The following MELTF variants were observed in gnomAD, a reference collection of about 807,000 sequenced individuals.
MELTF encodes the protein antigen p97 (melanoma associated) identified by monoclonal antibodies 133.2 and 96.5.
In MELTF, 67 loss-of-function variants were observed where a neutral mutation model predicts 83.7. That is an observed-to-expected ratio of 0.80 (90% CI 0.66 to 0.98). MELTF has a LOEUF of 0.98. Ranked by LOEUF, MELTF falls within the 50% of genes least tolerant of loss-of-function variation. MELTF has a pLI of 0.00. For synonymous variants in MELTF, 462 were observed against 447.6 expected (o/e 1.03, Z -0.41); for missense variants, 1,002 against 1,035.6 (o/e 0.97, Z 0.44).
At chr3:197,019,656 A>C in intron 6 of MELTF, 1 of 1,612,776 alleles carries the variant, frequency 6.2e-7, no homozygotes, top group African/African-American at 1.3e-5. Context: ...CTCCTTTGTC[A>C]GACTCGTCCT....
rs199669757 is a variant in MELTF at position 197,009,767 on chromosome 3, C to G, written c.1376G>C (p.Arg459Pro). ...NSYYVVAVVR[R>P]DSSHAFTLDE... is the part of the protein sequence containing the mutation. ...CAAGGTGAAGGCGTGGGAGCTGTCC[C>G]GTCTCACCACGGCCACCACGTAGTA... The change falls in exon 11 of 16, where the codon CGG (arginine) becomes CCG (proline). Residue 459 changes from arginine to proline, a missense_variant. Coordinates refer to ENST00000296350, the MANE Select transcript of MELTF (RefSeq NM_005929.6). 4.3e-5 allele frequency: 70 copies of G among 1,613,292 alleles called. No homozygotes were observed. Among genetic ancestry groups the G allele is most frequent in the Non-Finnish European group, 5.3e-5 (63 of 1,179,954 alleles).
intron 3 of MELTF, chr3:197,025,771 C>G (rs1719830311): frequency 6.6e-6 from 1 of 152,350 alleles, no homozygotes; most frequent in African/African-American, 2.4e-5. Context: ...AACAAGGAAC[C>G]AGCCAGTGCT....
chr3:197,024,206 C>T lies in MELTF; in HGVS notation c.487+97G>A, dbSNP rs529626183. On this transcript the variant is annotated intron_variant, in intron 4 of 15. Transcript: ENST00000296350. The surrounding 1 kb of genome is among the most constrained non-coding windows in gnomAD (Gnocchi z 5.3). ...GCCTTCCAGGAATGAAGAATGGTGG[C>T]GAGGCCGGAGGGAGGCTACCCAGTG... 694 of 1,329,424 alleles carry T rather than the reference C, an allele frequency of 5.2e-4. 1 individual carries two copies. Among genetic ancestry groups the T allele is most frequent in the African/African-American group, 9.0e-4 (61 of 68,128 alleles). The allele number at this position is 1,329,424 out of a possible 1,614,324, so 82.4% of individuals were successfully genotyped here.
rs2148590265 is a variant in MELTF at position 197,022,848 on chromosome 3, A to G, written c.644+109T>C. On this transcript the variant is annotated intron_variant, in intron 5 of 15. Coordinates refer to ENST00000296350, the MANE Select transcript of MELTF (RefSeq NM_005929.6). This position sits in a 1 kb window ranked among gnomAD's most constrained non-coding sequence, Gnocchi z 5.1. ...GGTGCTTTGATGAGACGCAGCCAAC[A>G]TGCCACTTCCCCCTCCACGGCCCTC... 5 of 1,069,256 alleles carry G rather than the reference A, an allele frequency of 4.7e-6. No individual in the cohort carries two copies. The highest frequency in any genetic ancestry group is 1.5e-5 in the South Asian group (1 of 65,846). 66.2% of individuals were successfully genotyped at this position (1,069,256 alleles called of 1,614,324 possible).
At position 197,003,541 on chromosome 3, in the gene MELTF, T is replaced by C. The variant is rs141380292; in HGVS notation, c.2138-90A>G. Reference sequence around the variant, plus strand: ...CTCTGGGGTGGGGGTGGGGGCATCTTTCGGGACCGAACTCGCCGCAGCCTC... The same window carrying C: ...CTCTGGGGTGGGGGTGGGGGCATCTCTCGGGACCGAACTCGCCGCAGCCTC... On this transcript the variant is annotated intron_variant, in intron 15 of 15. Transcript: ENST00000296350. This position sits in a 1 kb window ranked among gnomAD's most constrained non-coding sequence, Gnocchi z 6.2. 6,312 of 658,658 alleles carry C rather than the reference T, an allele frequency of 9.6e-3. 196 individuals carry two copies. The highest frequency in any genetic ancestry group is 0.071 in the East Asian group (850 of 11,934). The allele number at this position is 658,658 out of a possible 1,614,324, so 40.8% of individuals were successfully genotyped here.
At chr3:197,004,986 T>G (rs1219354359) in intron 14 of MELTF, among the ~76,000 whole-genome samples, 1 of 152,006 alleles carries the variant, frequency 6.6e-6, no homozygotes, top group Non-Finnish European at 1.5e-5. Context: ...AGGGGTTCTG[T>G]GGGGAAGATG....
chr3:197,022,764 G>A lies in MELTF; in HGVS notation c.644+193C>T, dbSNP rs556130315. 5.3e-5 allele frequency among the ~76,000 whole-genome samples: 8 copies of A among 152,174 alleles called. No individual in the cohort carries two copies. The highest frequency in any genetic ancestry group is 1.0e-4 in the Non-Finnish European group (7 of 68,032). ...ACACGTTGATTTCATGAGCAAATCC[G>A]GTTTGGCATATTCCAGCTGGATGTT... On this transcript the variant is annotated intron_variant, in intron 5 of 15. Coordinates refer to ENST00000296350, the MANE Select transcript of MELTF (RefSeq NM_005929.6). The surrounding 1 kb of genome is among the most constrained non-coding windows in gnomAD (Gnocchi z 5.1).
intron 6 of MELTF, among the ~76,000 whole-genome samples, chr3:197,017,826 G>C (rs1449575771): frequency 6.6e-6 from 1 of 152,140 alleles, no homozygotes; most frequent in Non-Finnish European, 1.5e-5. Context: ...GCAGTGAGCC[G>C]AGATCACGCC....
Position 197,006,878 on chromosome 3 carries a change from C to T in MELTF, c.1751-142G>A. On this transcript the variant is annotated intron_variant, in intron 13 of 15. Transcript: ENST00000296350. The surrounding 1 kb of genome is among the most constrained non-coding windows in gnomAD (Gnocchi z 5.4). ...CAGCTCCCCAACCCTCTCCATTCTCCACGTGCTCTGCTGTGTTACCGGGGT... is the reference window on the plus strand; with the variant it reads ...CAGCTCCCCAACCCTCTCCATTCTCTACGTGCTCTGCTGTGTTACCGGGGT... 1.4e-6 allele frequency: 1 copy of T among 715,104 alleles called. No homozygotes were observed. The highest frequency in any genetic ancestry group is 2.1e-6 in the Non-Finnish European group (1 of 477,696). 44.3% of individuals were successfully genotyped at this position (715,104 alleles called of 1,614,324 possible).
Position 197,027,909 on chromosome 3 carries a change from C to A in MELTF, c.51G>T (p.Val17=). Residue 17 remains valine, a splice_region_variant and synonymous_variant, in exon 2 of 16, where the codon GTG becomes GTT. Coordinates refer to ENST00000296350, the MANE Select transcript of MELTF (RefSeq NM_005929.6). ...ACCACCGCACCTCCATGCCACCGAG[C>A]ACTGCGGGCAGGGGACCGTGAGGCC... is the stretch of plus-strand genomic sequence containing the variant. The part of the protein sequence containing the change: ...ALWLLLALRT[V]LGGMEVRWCA... 1.3e-6 allele frequency: 2 copies of A among 1,581,260 alleles called. No homozygotes were observed. Among genetic ancestry groups the A allele is most frequent in the Non-Finnish European group, 1.7e-6 (2 of 1,164,864 alleles).
chr3:197,023,063 T>C lies in MELTF; in HGVS notation c.538A>G (p.Ser180Gly). The C allele has an allele frequency of 6.2e-7, 1 of 1,613,782 alleles. No homozygotes were observed. Among genetic ancestry groups the C allele is most frequent in the Non-Finnish European group, 8.5e-7 (1 of 1,179,994 alleles). The change falls in exon 5 of 16, where the codon AGT becomes GGT. Residue 180 changes from serine (S) to glycine (G), a missense_variant. Ser to Gly is a moderately conservative substitution (Grantham distance 56). Transcript: ENST00000296350. ...AGGCGACAGAGGGACTCAGAGTAAC[T>C]GGTCTCTCCTGCCCCCGGGACGCAG... Reference protein sequence around the residue: ...GSCVPGAGETSYSESLCRLCR... With the variant: ...GSCVPGAGETGYSESLCRLCR...
chr3:197,006,674 TGGGGCACAGCAGTTCA>T lies in MELTF; in HGVS notation c.1797_1812del (p.Tyr599Ter). The stretch of plus-strand genomic sequence containing the variant: ...TGGGACACCTCGGCTCGGGCCCCGT[TGGGGCACAGCAGTTCA>T]TAGTCCTCTGACCTGAGCTCAGCAG... On this transcript the variant is annotated frameshift_variant, in exon 14 of 16. Transcript: ENST00000296350. LOFTEE classifies it high-confidence loss of function. This position sits in a 1 kb window ranked among gnomAD's most constrained non-coding sequence, Gnocchi z 5.4. The T allele has an allele frequency of 1.9e-6, 3 of 1,593,200 alleles. No individual in the cohort carries two copies. Among genetic ancestry groups the T allele is most frequent in the Non-Finnish European group, 2.6e-6 (3 of 1,169,758 alleles).
At chr3:197,021,167 GCCC>G in intron 6 of MELTF, 1 of 527,740 alleles carries the variant, frequency 1.9e-6, no homozygotes, top group Non-Finnish European at 3.3e-6. Flanking sequence ...CTGCTCGCTG[GCCC>G]CCTTCTCCTG....
chr3:197,003,850 T>C lies in MELTF; in HGVS notation c.2137+51A>G. 2 of 1,560,306 alleles carry C rather than the reference T, an allele frequency of 1.3e-6. No homozygotes were observed. The highest frequency in any genetic ancestry group is 1.7e-6 in the Non-Finnish European group (2 of 1,145,156). ...CCCCCGCTCCCTCAGGGTTCTGGGGTGAAGGGGTCTGAATAGCACCAGGGG... is the reference window on the plus strand; with the variant it reads ...CCCCCGCTCCCTCAGGGTTCTGGGGCGAAGGGGTCTGAATAGCACCAGGGG... On this transcript the variant is annotated intron_variant, in intron 15 of 15. Coordinates refer to ENST00000296350, the MANE Select transcript of MELTF (RefSeq NM_005929.6). This position sits in a 1 kb window ranked among gnomAD's most constrained non-coding sequence, Gnocchi z 6.2.
intron 2 of MELTF, chr3:197,027,163 G>A (rs2148594636): frequency 4.5e-6 from 1 of 221,294 alleles, no homozygotes; most frequent in South Asian, 7.6e-5. Context: ...CTCACATGGA[G>A]CCTGACCCAC....
In MELTF at chr3:197,003,678, C is replaced by T. The variant is rs1388258678; in HGVS notation, c.2137+223G>A. On this transcript the variant is annotated intron_variant, in intron 15 of 15. Transcript: ENST00000296350. This position sits in a 1 kb window ranked among gnomAD's most constrained non-coding sequence, Gnocchi z 6.2. The stretch of plus-strand genomic sequence containing the variant: ...ATCCTCCCCGCGCCGCCGTTTTGAG[C>T]GTTCACACTCATTACCCAGGTCCGT... The T allele has an allele frequency of 4.5e-6, 3 of 664,914 alleles. No individual in the cohort carries two copies. The highest frequency in any genetic ancestry group is 1.8e-5 in the African/African-American group (1 of 55,060). The allele number at this position is 664,914 out of a possible 1,614,324, so 41.2% of individuals were successfully genotyped here.
chr3:197,020,061 G>C (rs933894058), intron 6 of MELTF, among the ~76,000 whole-genome samples: 1 of 152,058 alleles, frequency 6.6e-6, no homozygotes, highest in Non-Finnish European at 1.5e-5. Context: ...CCTTCAAAAA[G>C]AACAAATTTT....
intron 2 of MELTF, among the ~76,000 whole-genome samples, chr3:197,027,442 GC>G (rs1719900871): frequency 6.6e-6 from 1 of 152,262 alleles, no homozygotes; most frequent in African/African-American, 2.4e-5. Flanking sequence ...GGCAAGATGA[GC>G]AAGTAACCGC....
intron 6 of MELTF, chr3:197,019,305 C>G (rs1719526215): frequency 9.3e-7 from 1 of 1,070,478 alleles, no homozygotes; most frequent in Admixed American, 4.7e-5. Flanking sequence ...GCCACTCCCG[C>G]TTCTCCTCAG....
Sources: gnomAD v4.1 joint callset for allele counts (sites outside exome capture counted in the v4.1 genomes callset) on GRCh38, gnomAD v4.1.1 for gene constraint, Gnocchi (gnomAD v3.1) non-coding constraint, MANE v1.5 for transcripts, NCBI Gene and HGNC (gene_info 2026-07-23, HGNC 2026-07-21) for gene names.